Variants in LONRF1 observed in about 807,000 individuals in gnomAD.
The protein encoded by LONRF1 is LON peptidase N-terminal domain and RING finger protein 1.
Under a neutral mutation model 85.8 loss-of-function variants are expected in LONRF1, and 37 were observed. That is an observed-to-expected ratio of 0.43 (90% CI 0.33 to 0.57). LONRF1 has a LOEUF of 0.57. Ranked by LOEUF, LONRF1 falls within the 20% of genes least tolerant of loss-of-function variation. LONRF1 has a pLI of 0.04. For missense variants in LONRF1, 1,036 were observed against 978.0 expected (o/e 1.06, Z -0.79); for synonymous variants, 517 against 390.1 (o/e 1.33, Z -3.83).
Position 12,754,901 on chromosome 8 carries a change from C to T in LONRF1, c.520G>A (p.Gly174Arg). 1.3e-6 allele frequency: 2 copies of T among 1,493,482 alleles called. No homozygotes were observed. The highest frequency in any genetic ancestry group is 1.8e-6 in the Non-Finnish European group (2 of 1,125,808). 92.5% of individuals were successfully genotyped at this position (1,493,482 alleles called of 1,614,324 possible). ...PATASATDAE[G>R]TAPRPPPLAA... ...AGAGGCGGCGGCCGCGGGGCGGTCC[C>T]TTCAGCATCAGTGGCACTGGCGGTG... The change falls in exon 1 of 12, where the codon GGG (glycine) becomes AGG (arginine). Residue 174 changes from glycine to arginine, a missense_variant. Coordinates refer to ENST00000398246, the MANE Select transcript of LONRF1 (RefSeq NM_152271.5).
In LONRF1 at chr8:12,725,687, T is replaced by C. The variant is rs547362235; in HGVS notation, c.2163+40A>G. ...GTAGAAGTGTGCAAATTTGGGTTTA[T>C]AAAAAAGTGACTTTTGGAAGAACAG... On this transcript the variant is annotated intron_variant, in intron 11 of 11. Transcript: ENST00000398246. The C allele has an allele frequency of 9.5e-6, 15 of 1,585,136 alleles. No homozygotes were observed. The South Asian group carries it at 1.5e-4, about 15-fold the overall frequency.
intron 4 of LONRF1, among the ~76,000 whole-genome samples, chr8:12,737,644 C>T (rs1388299642): frequency 6.6e-6 from 1 of 152,060 alleles, no homozygotes; most frequent in African/African-American, 2.4e-5. Flanking sequence ...GATGACTGTA[C>T]TTACACAGCC....
rs757891870 is a variant in LONRF1 at position 12,745,886 on chromosome 8, C to A, written c.722-2604G>T. Among the ~76,000 whole-genome samples, 97 of 152,300 alleles carry A rather than the reference C, an allele frequency of 6.4e-4. 1 individual carries two copies. Among genetic ancestry groups the A allele is most frequent in the Middle Eastern group, 6.8e-3 (2 of 294 alleles). On this transcript the variant is annotated intron_variant, in intron 1 of 11. Transcript: ENST00000398246. ...TACCCATATCTACCAGAAGCAGGGA[C>A]AGATGTGCTAGTTGTCATGATTTAA... is the stretch of plus-strand genomic sequence containing the variant.
In LONRF1 at chr8:12,729,437, C is replaced by A; in HGVS notation, c.1689-105G>T. 3.5e-6 allele frequency: 4 copies of A among 1,133,682 alleles called. No individual in the cohort carries two copies. The Admixed American group carries it at 8.0e-5, about 23-fold the overall frequency. 70.2% of individuals were successfully genotyped at this position (1,133,682 alleles called of 1,614,324 possible). On this transcript the variant is annotated intron_variant, in intron 8 of 11. Transcript: ENST00000398246. ...ATAACAGTAATGAACTAATGTAAAGCAAAAAAAGAATTAGTTCTAAATAAG... is the reference window on the plus strand; with the variant it reads ...ATAACAGTAATGAACTAATGTAAAGAAAAAAAAGAATTAGTTCTAAATAAG...
At chr8:12,731,012 G>A (rs534579528) in intron 8 of LONRF1, among the ~76,000 whole-genome samples, 82 of 152,142 alleles carry the variant, frequency 5.4e-4, no homozygotes, top group African/African-American at 1.8e-3. Flanking sequence ...TTAAAAACCC[G>A]TTAATAAAAT....
At chr8:12,723,301 G>A (rs1242228066) in intron 11 of LONRF1, 47 bp from the exon 12 acceptor site, 2 of 1,535,016 alleles carry the variant, frequency 1.3e-6, no homozygotes, top group East Asian at 2.3e-5. Flanking sequence ...AAGGATTTAT[G>A]TAACAACAGT....
chr8:12,755,215 T>G lies in LONRF1; in HGVS notation c.206A>C (p.Glu69Ala). The G allele has an allele frequency of 7.9e-7, 1 of 1,263,910 alleles. No homozygotes were observed. Among genetic ancestry groups the G allele is most frequent in the Non-Finnish European group, 9.9e-7 (1 of 1,010,076 alleles). 78.3% of individuals were successfully genotyped at this position (1,263,910 alleles called of 1,614,324 possible). A position where few individuals can be genotyped will look rare whatever the true frequency, so the allele number is the denominator to read the frequency against. The change falls in exon 1 of 12, where the codon GAG becomes GCG. Residue 69 changes from glutamate to alanine, a missense_variant. Glu to Ala is a moderately radical substitution (Grantham distance 107). This residue lies in a region of LONRF1 where 742 missense variants were observed against 614.4 expected (regional missense o/e 1.21). Transcript: ENST00000398246. ...GCGGCGCAGCGCCGCCGCGAACGCC[T>G]CCAGCGCGCCCTTCAGGTGGCCGCC... The part of the protein sequence containing the change: ...ALGGHLKGAL[E>A]AFAAALRRGA...
At chr8:12,731,972 GATTA>G (rs1440148087) in intron 7 of LONRF1, 115 bp from the exon 8 acceptor site, 23 of 977,512 alleles carry the variant, frequency 2.4e-5, no homozygotes, top group African/African-American at 1.2e-4. Flanking sequence ...ATCAATTCTG[GATTA>G]ATTAGTGAGG....
chr8:12,737,326 G>A (rs1012304638), intron 4 of LONRF1, 186 bp from the exon 5 acceptor site: 12 of 741,792 alleles, frequency 1.6e-5, no homozygotes, highest in East Asian at 5.4e-5. Context: ...TTGGCCCTCC[G>A]TATCCACAGG....
intron 8 of LONRF1, among the ~76,000 whole-genome samples, chr8:12,730,657 C>T (rs970357462): frequency 2.0e-5 from 3 of 152,180 alleles, no homozygotes; most frequent in South Asian, 2.1e-4. Flanking sequence ...TTTCTTAAAT[C>T]TAGATGCTTC....
chr8:12,749,691 T>C (rs530173727), intron 1 of LONRF1, among the ~76,000 whole-genome samples: 1 of 152,316 alleles, frequency 6.6e-6, no homozygotes, highest in African/African-American at 2.4e-5. Context: ...TTTTTTATCA[T>C]TTATATCAAA....
At chr8:12,751,153 C>A (rs1353776040) in intron 1 of LONRF1, among the ~76,000 whole-genome samples, 1 of 152,104 alleles carries the variant, frequency 6.6e-6, no homozygotes, top group Non-Finnish European at 1.5e-5. Context: ...AGCCACACTG[C>A]ATGTCTATCC....
At chr8:12,746,680 A>G (rs1006221195) in intron 1 of LONRF1, among the ~76,000 whole-genome samples, 38 of 152,208 alleles carry the variant, frequency 2.5e-4, no homozygotes, top group Admixed American at 2.0e-3. Context: ...AATGATTTAC[A>G]ATCTTCAGCA....
chr8:12,738,687 C>T (rs181927019), intron 3 of LONRF1: 2 of 152,288 alleles, frequency 1.3e-5, no homozygotes, highest in African/African-American at 4.8e-5. Flanking sequence ...CCCATGGCAG[C>T]TTCCCTATAA....
chr8:12,743,201 A>T lies in LONRF1; in HGVS notation c.803T>A (p.Leu268Ter). Residue 268 changes from leucine (L) to a stop codon, truncating the protein, a stop_gained, in exon 2 of 12, where the codon TTA becomes TAA. Coordinates refer to ENST00000398246, the MANE Select transcript of LONRF1 (RefSeq NM_152271.5). LOFTEE classifies it high-confidence loss of function. The part of the protein sequence containing the change: ...LQEFKAAIED[L>*]NAVLFQLPDW... Reference sequence around the variant, plus strand: ...TGGAAGTTGAAAAAGAACTGCATTTAAATCTTCTATGGCTGCTTTAAACTC... The same window carrying T: ...TGGAAGTTGAAAAAGAACTGCATTTTAATCTTCTATGGCTGCTTTAAACTC... The T allele has an allele frequency of 6.2e-7, 1 of 1,613,024 alleles. No individual in the cohort carries two copies. The highest frequency in any genetic ancestry group is 8.5e-7 in the Non-Finnish European group (1 of 1,179,240).
At chr8:12,750,231 T>C (rs564123609) in intron 1 of LONRF1, among the ~76,000 whole-genome samples, 54 of 152,334 alleles carry the variant, frequency 3.5e-4, no homozygotes, top group African/African-American at 5.5e-4. Flanking sequence ...ATGAAAATAA[T>C]TGTGAACTAT....
chr8:12,747,029 C>A (rs965870692), intron 1 of LONRF1, among the ~76,000 whole-genome samples: 12 of 152,190 alleles, frequency 7.9e-5, no homozygotes, highest in Admixed American at 7.9e-4. Flanking sequence ...TTTGAACTCC[C>A]TCCGTTATTT....
chr8:12,725,924 T>G, intron 10 of LONRF1, 45 bp from the exon 11 acceptor site: 1 of 1,566,140 alleles, frequency 6.4e-7, no homozygotes. Flanking sequence ...TAATCCCCCG[T>G]CCATATGCCA....
At chr8:12,739,606 A>C (rs565925434) in intron 3 of LONRF1, among the ~76,000 whole-genome samples, 1 of 152,310 alleles carries the variant, frequency 6.6e-6, no homozygotes, top group African/African-American at 2.4e-5. Context: ...AAATCCATGC[A>C]TTTTATTATA....
Sources: allele counts gnomAD v4.1 joint callset (sites outside exome capture counted in the v4.1 genomes callset), GRCh38; gene constraint gnomAD v4.1.1; regional missense constraint gnomAD v4.1.1; transcripts MANE v1.5; gene names NCBI Gene and HGNC (gene_info 2026-07-23, HGNC 2026-07-21).